Variants in CASZ1 observed in about 807,000 individuals in gnomAD.
CASZ1 encodes castor zinc finger 1, also known as zinc finger protein castor homolog 1.
Under a neutral mutation model 135.2 loss-of-function variants are expected in CASZ1, and 28 were observed. The observed-to-expected ratio is 0.21, with a 90% CI of 0.15 to 0.28. The LOEUF (loss-of-function observed/expected upper bound fraction) is 0.28, where lower values mean the gene tolerates loss of function less well. Among genes scored for constraint, CASZ1 ranks in the 10% least tolerant of loss-of-function variants. The pLI is 1.00. For synonymous variants in CASZ1, 1,068 were observed against 1,073.4 expected, an observed-to-expected ratio of 0.99 and a Z score of 0.10; for missense variants, 2,161 against 2,453.3, an observed-to-expected ratio of 0.88 and a Z score of 2.52.
Position 10,655,746 on chromosome 1 carries a change from T to C in CASZ1, c.1568A>G (p.Gln523Arg). The C allele has an allele frequency of 6.2e-7, 1 of 1,614,226 alleles. No individual in the cohort carries two copies. The highest frequency in any genetic ancestry group is 1.1e-5 in the South Asian group (1 of 91,088). The change falls in exon 9 of 21, where the codon CAG becomes CGG. Residue 523 changes from glutamine (Q) to arginine (R), a missense_variant. This residue lies in a region of CASZ1 where 248 missense variants were observed against 410.8 expected (regional missense o/e 0.60). Coordinates refer to ENST00000377022, the MANE Select transcript of CASZ1 (RefSeq NM_001079843.3). ...NMHKKRDNSLQHGFMRFSPLD... is the reference protein window; with the variant it reads ...NMHKKRDNSLRHGFMRFSPLD... Reference sequence around the variant, plus strand: ...CGGGCTGAAACGCATGAAGCCGTGCTGCAGGGAGTTGTCGCGCTTCTTGTG... The same window carrying C: ...CGGGCTGAAACGCATGAAGCCGTGCCGCAGGGAGTTGTCGCGCTTCTTGTG...
intron 2 of CASZ1, among the ~76,000 whole-genome samples, chr1:10,714,507 C>T (rs1045619566): frequency 2.2e-4 from 33 of 152,206 alleles, no homozygotes; most frequent in African/African-American, 6.5e-4. Flanking sequence ...CTCCTGGCTC[C>T]GGCCCACGAG....
intron 4 of CASZ1, 103 bp downstream of exon 4, chr1:10,693,771 C>G: frequency 1.0e-6 from 1 of 956,606 alleles, no homozygotes; most frequent in Non-Finnish European, 1.7e-6. Flanking sequence ...TCCCGGCCCC[C>G]ACCCGGCCCC....
In CASZ1 at chr1:10,709,868, G is replaced by T. The variant is rs1296763720; in HGVS notation, c.-76-4324C>A. 6.6e-6 allele frequency among the ~76,000 whole-genome samples: 1 copy of T among 152,200 alleles called. No individual in the cohort carries two copies. The highest frequency in any genetic ancestry group is 1.5e-5 in the Non-Finnish European group (1 of 68,036). ...ATGAGGGGGCCGGCGGCCCGCACAGGCCAGCAGGTGCCCGATCGAGACAGA... is the reference window on the plus strand; with the variant it reads ...ATGAGGGGGCCGGCGGCCCGCACAGTCCAGCAGGTGCCCGATCGAGACAGA... On this transcript the variant is annotated intron_variant, in intron 2 of 20. Transcript: ENST00000377022. The surrounding 1 kb of genome is among the most constrained non-coding windows in gnomAD (Gnocchi z 5.1).
Position 10,755,298 on chromosome 1 carries a change from G to A in CASZ1, c.-77+5403C>T, listed in dbSNP as rs1471813597. Among the ~76,000 whole-genome samples the A allele has an allele frequency of 3.9e-5, 6 of 152,132 alleles. No individual in the cohort carries two copies. The highest frequency in any genetic ancestry group is 1.2e-4 in the African/African-American group (5 of 41,424). ...ACATGGGGGAACCTGGCAGGAGACC[G>A]GAGAGGAGGAGCTTGAAGGTCTACA... On this transcript the variant is annotated intron_variant, in intron 2 of 20. Coordinates refer to ENST00000377022, the MANE Select transcript of CASZ1 (RefSeq NM_001079843.3). This position sits in a 1 kb window ranked among gnomAD's most constrained non-coding sequence, Gnocchi z 4.3.
chr1:10,656,030 C>T lies in CASZ1; in HGVS notation c.1501-217G>A, dbSNP rs534933370. 2.6e-5 allele frequency among the ~76,000 whole-genome samples: 4 copies of T among 152,296 alleles called. No homozygotes were observed. The East Asian group carries it at 5.8e-4, about 22-fold the overall frequency. On this transcript the variant is annotated intron_variant, in intron 8 of 20. Coordinates refer to ENST00000377022, the MANE Select transcript of CASZ1 (RefSeq NM_001079843.3). Reference sequence around the variant, plus strand: ...GGTTCTAGGACCATAGATTCTTCCCCGATGCTCCCCTAGGTGCCCAGTGGC... The same window carrying T: ...GGTTCTAGGACCATAGATTCTTCCCTGATGCTCCCCTAGGTGCCCAGTGGC...
At chr1:10,702,007 C>T (rs756462528) in intron 3 of CASZ1, among the ~76,000 whole-genome samples, 23 of 152,212 alleles carry the variant, frequency 1.5e-4, no homozygotes, top group Non-Finnish European at 1.9e-4. Flanking sequence ...TCTTCCTTTG[C>T]GGACAGCAGG....
rs1365306377 is a variant in CASZ1 at position 10,719,534 on chromosome 1, C to T, written c.-76-13990G>A. Among the ~76,000 whole-genome samples, 1 of 152,156 alleles carries T rather than the reference C, an allele frequency of 6.6e-6. No homozygotes were observed. Among genetic ancestry groups the T allele is most frequent in the African/African-American group, 2.4e-5 (1 of 41,438 alleles). On this transcript the variant is annotated intron_variant, in intron 2 of 20. Transcript: ENST00000377022. The surrounding 1 kb of genome is among the most constrained non-coding windows in gnomAD (Gnocchi z 4.0). ...AAGCAGCGCTGTGGGGAAGGTGGCA[C>T]CGAACAAGTTTCTAAGGGACACTCA...
chr1:10,770,863 C>T (rs974328193), intron 1 of CASZ1, among the ~76,000 whole-genome samples: 4 of 152,236 alleles, frequency 2.6e-5, no homozygotes, highest in Non-Finnish European at 5.9e-5. Context: ...TTTCCCACTC[C>T]CTTCCAGAAG....
chr1:10,647,601 T>C lies in CASZ1; in HGVS notation c.3497+200A>G, dbSNP rs1463026264. 7.0e-7 allele frequency: 1 copy of C among 1,436,434 alleles called. No homozygotes were observed. Among genetic ancestry groups the C allele is most frequent in the Admixed American group, 2.7e-5 (1 of 37,160 alleles). 89.0% of individuals were successfully genotyped at this position (1,436,434 alleles called of 1,614,324 possible). A position where few individuals can be genotyped will look rare whatever the true frequency, so the allele number is the denominator to read the frequency against. On this transcript the variant is annotated intron_variant, in intron 16 of 20. Transcript: ENST00000377022. The surrounding 1 kb of genome is among the most constrained non-coding windows in gnomAD (Gnocchi z 4.9). ...GCCGCCACCATCGGCCCACGCGGGC[T>C]GGCCTGCTCTGGGACAGGCAGTGAG...
At position 10,707,922 on chromosome 1, in the gene CASZ1, C is replaced by G. The variant is rs1313704729; in HGVS notation, c.-76-2378G>C. 6.6e-6 allele frequency among the ~76,000 whole-genome samples: 1 copy of G among 152,198 alleles called. No individual in the cohort carries two copies. Among genetic ancestry groups the G allele is most frequent in the African/African-American group, 2.4e-5 (1 of 41,442 alleles). On this transcript the variant is annotated intron_variant, in intron 2 of 20. Coordinates refer to ENST00000377022, the MANE Select transcript of CASZ1 (RefSeq NM_001079843.3). The surrounding 1 kb of genome is among the most constrained non-coding windows in gnomAD (Gnocchi z 5.0). ...GACCCAGAGGACAGCAGGGGCCCTA[C>G]ACTCAGCGGGGCTGAAGTGAAGTGA... is the stretch of plus-strand genomic sequence containing the variant.
intron 1 of CASZ1, among the ~76,000 whole-genome samples, chr1:10,765,080 C>T (rs933732270): frequency 6.6e-6 from 1 of 152,180 alleles, no homozygotes; most frequent in East Asian, 1.9e-4. Flanking sequence ...TCTGCTGCCT[C>T]CCCTACATCG....
intron 2 of CASZ1, among the ~76,000 whole-genome samples, chr1:10,752,881 CA>C (rs1360337557): frequency 2.6e-5 from 4 of 152,086 alleles, no homozygotes; most frequent in Admixed American, 1.3e-4. Flanking sequence ...ACCAAAAATA[CA>C]AAAAATTAGC....
chr1:10,684,413 C>T (rs547939937), intron 4 of CASZ1, among the ~76,000 whole-genome samples: 4 of 152,308 alleles, frequency 2.6e-5, no homozygotes, highest in East Asian at 1.9e-4. Flanking sequence ...CCTAGTGGAA[C>T]GCAGCGGCCT....
rs1050714209 is a variant in CASZ1 at position 10,639,882 on chromosome 1, G to T, written c.4340C>A (p.Ala1447Asp). 6.2e-7 allele frequency: 1 copy of T among 1,612,476 alleles called. No individual in the cohort carries two copies. The highest frequency in any genetic ancestry group is 1.3e-5 in the African/African-American group (1 of 74,948). Residue 1447 changes from alanine to aspartate, a missense_variant, in exon 21 of 21, where the codon GCT (alanine) becomes GAT (aspartate). This residue lies in a region of CASZ1 where 240 missense variants were observed against 321.4 expected (regional missense o/e 0.75). Transcript: ENST00000377022. This position sits in a 1 kb window ranked among gnomAD's most constrained non-coding sequence, Gnocchi z 4.0. The part of the protein sequence containing the change: ...FDLYEDCKDA[A>D]CQFSLKVTHY... ...GGTGACCTTGAGCGAGAACTGACAA[G>T]CTGCGTCCTTGCAGTCCTCGTAAAG... is the stretch of plus-strand genomic sequence containing the variant.
chr1:10,775,117 G>T (rs899953658), intron 1 of CASZ1, among the ~76,000 whole-genome samples: 1 of 152,092 alleles, frequency 6.6e-6, no homozygotes, highest in Non-Finnish European at 1.5e-5. Flanking sequence ...ACACACGGCA[G>T]ACTCCGCCAG....
chr1:10,637,434 A>G lies in CASZ1; in HGVS notation c.*1508T>C, dbSNP rs1471577724. Reference sequence around the variant, plus strand: ...CTGAGAGGACAAAAGAAAGGAAGAAAAAAGGGAAAAGTAAACCACTGCCCC... The same window carrying G: ...CTGAGAGGACAAAAGAAAGGAAGAAGAAAGGGAAAAGTAAACCACTGCCCC... On this transcript the variant is annotated 3_prime_UTR_variant, in exon 21 of 21. Coordinates refer to ENST00000377022, the MANE Select transcript of CASZ1 (RefSeq NM_001079843.3). The G allele has an allele frequency of 2.6e-5, 4 of 152,486 alleles. No homozygotes were observed. Among genetic ancestry groups the G allele is most frequent in the Non-Finnish European group, 5.9e-5 (4 of 68,072 alleles). 9.4% of individuals were successfully genotyped at this position (152,486 alleles called of 1,614,324 possible).
At chr1:10,671,929 C>A (rs1016020013) in intron 4 of CASZ1, among the ~76,000 whole-genome samples, 4 of 152,316 alleles carry the variant, frequency 2.6e-5, no homozygotes, top group Admixed American at 2.6e-4. Flanking sequence ...GTCCACACAG[C>A]CTGGACTGCC....
chr1:10,661,942 C>G (rs902638935), intron 5 of CASZ1, among the ~76,000 whole-genome samples: 1 of 151,172 alleles, frequency 6.6e-6, no homozygotes, highest in African/African-American at 2.4e-5. Flanking sequence ...GTCGCATGCA[C>G]TCATACGCCA....
At chr1:10,651,755 C>T (rs1313248108) in intron 11 of CASZ1, 2 of 152,234 alleles carry the variant, frequency 1.3e-5, no homozygotes, top group East Asian at 1.9e-4. Context: ...CCCCCAGTGA[C>T]GGAAATATGA....
Sources: allele counts gnomAD v4.1 joint callset (sites outside exome capture counted in the v4.1 genomes callset), GRCh38; gene constraint gnomAD v4.1.1; regional missense constraint gnomAD v4.1.1; non-coding constraint Gnocchi (gnomAD v3.1); transcripts MANE v1.5; gene names NCBI Gene and HGNC (gene_info 2026-07-23, HGNC 2026-07-21).